LNX1: variants seen among roughly 807,000 people sequenced by gnomAD.
LNX1 encodes the protein E3 ubiquitin-protein ligase LNX.
Under a neutral mutation model 68.4 loss-of-function variants are expected in LNX1, and 54 were observed. That is an observed-to-expected ratio of 0.79 (90% confidence interval 0.63 to 0.99). The LOEUF is 0.99. Among genes scored for constraint, LNX1 ranks in the 50% least tolerant of loss-of-function variants. LNX1 has a pLI of 0.00. For synonymous variants in LNX1, 336 were observed against 350.0 expected (o/e 0.96, Z 0.45); for missense variants, 906 against 926.4 (o/e 0.98, Z 0.29).
chr4:53,496,497 C>T, intron 5 of LNX1, 103 bp from the exon 6 acceptor site: 2 of 1,366,060 alleles, frequency 1.5e-6, no homozygotes, highest in East Asian at 2.5e-5. Flanking sequence ...TTAAAGACTG[C>T]TCTGCTCTCC....
intron 2 of LNX1, among the ~76,000 whole-genome samples, chr4:53,562,868 AT>A (rs1485062371): frequency 2.0e-5 from 3 of 152,232 alleles, no homozygotes; most frequent in South Asian, 4.1e-4. Context: ...ATTTTAAAAC[AT>A]CATATTGTAC....
rs149651531 is a variant in LNX1 at position 53,650,531 on chromosome 4, T to C, written c.-215+1637A>G. The stretch of plus-strand genomic sequence containing the variant: ...AGGGAGAAAACTCTGTGGTGTTGGA[T>C]TGGAATTGGAAGTATGAATTTATGG... On this transcript the variant is annotated intron_variant, in intron 1 of 2. Coordinates refer to the LNX1 transcript ENST00000507168. Among the ~76,000 whole-genome samples the C allele has an allele frequency of 3.9e-5, 6 of 152,264 alleles. No homozygotes were observed. The East Asian group carries it at 1.2e-3, about 29-fold the overall frequency.
chr4:53,498,574 A>G, intron 5 of LNX1, 67 bp downstream of exon 5: 1 of 1,144,534 alleles, frequency 8.7e-7, no homozygotes, highest in Non-Finnish European at 1.3e-6. Flanking sequence ...CATCTATCCA[A>G]TTGTTTGCTC....
At chr4:53,633,262 C>A (rs1436660742) in intron 1 of LNX1, among the ~76,000 whole-genome samples, 3 of 152,164 alleles carry the variant, frequency 2.0e-5, no homozygotes, top group Non-Finnish European at 4.4e-5. Context: ...TGGCAGCTTC[C>A]CTTGCCTGCT....
intron 2 of LNX1, among the ~76,000 whole-genome samples, chr4:53,516,157 G>C (rs6853336): frequency 6.6e-6 from 1 of 152,028 alleles, no homozygotes; most frequent in East Asian, 1.9e-4. Flanking sequence ...CAGGAGGACT[G>C]CTTGAGCCCA....
At chr4:53,491,369 C>T (rs1429366073) in intron 6 of LNX1, among the ~76,000 whole-genome samples, 1 of 152,062 alleles carries the variant, frequency 6.6e-6, no homozygotes, top group Admixed American at 6.6e-5. Flanking sequence ...ATAAACATAG[C>T]ATATTTTCTC....
intron 2 of LNX1, among the ~76,000 whole-genome samples, chr4:53,609,740 T>G (rs1560692858): frequency 7.1e-6 from 1 of 141,394 alleles, no homozygotes. Context: ...TAATATACTA[T>G]TATATATTAT....
chr4:53,548,627 A>G (rs1310921803), intron 2 of LNX1, among the ~76,000 whole-genome samples: 1 of 152,236 alleles, frequency 6.6e-6, no homozygotes, highest in Admixed American at 6.5e-5. Flanking sequence ...AATTCCTCAA[A>G]GAGCTAAAAG....
In LNX1 at chr4:53,496,396, TG is replaced by T; in HGVS notation, c.979-3del. 3 of 1,592,000 alleles carry T rather than the reference TG, an allele frequency of 1.9e-6. No individual in the cohort carries two copies. Among genetic ancestry groups the T allele is most frequent in the Non-Finnish European group, 8.6e-7 (1 of 1,168,234 alleles). On this transcript the variant is annotated splice_polypyrimidine_tract_variant and splice_region_variant and intron_variant, in intron 5 of 10. Transcript: ENST00000263925. ...ATTGCTGATGTCCATCCCGTTGACCTGGGGGCAGGTGGAACAATCGTGCGGT... is the reference window on the plus strand; with the variant it reads ...ATTGCTGATGTCCATCCCGTTGACCTGGGGCAGGTGGAACAATCGTGCGGT...
At chr4:53,527,458 CG>C (rs1343957357) in intron 2 of LNX1, among the ~76,000 whole-genome samples, 9 of 152,158 alleles carry the variant, frequency 5.9e-5, no homozygotes, top group African/African-American at 2.2e-4. Context: ...TTAGTCTCTA[CG>C]AGCCTGGTGC....
chr4:53,611,220 G>GA (rs889257581), intron 2 of LNX1, among the ~76,000 whole-genome samples: 18 of 149,488 alleles, frequency 1.2e-4, no homozygotes, highest in African/African-American at 2.2e-4. Flanking sequence ...GAAAAGGAAT[G>GA]AAAAAAAAAG....
At chr4:53,556,729 T>A (rs1376697019) in intron 2 of LNX1, among the ~76,000 whole-genome samples, 1 of 152,184 alleles carries the variant, frequency 6.6e-6, no homozygotes, top group Non-Finnish European at 1.5e-5. Flanking sequence ...GCAGAACAAA[T>A]GATCACTTCC....
At chr4:53,577,763 A>G (rs1020317763) in intron 1 of LNX1, among the ~76,000 whole-genome samples, 1 of 152,100 alleles carries the variant, frequency 6.6e-6, no homozygotes, top group Non-Finnish European at 1.5e-5. Flanking sequence ...TTCTGGTCAA[A>G]GAATCCTAGC....
intron 2 of LNX1, among the ~76,000 whole-genome samples, chr4:53,599,699 T>C (rs1732909428): frequency 6.6e-6 from 1 of 152,200 alleles, no homozygotes; most frequent in African/African-American, 2.4e-5. Context: ...CCCCACAGCC[T>C]TATCTTGGCT....
In LNX1 at chr4:53,512,984, C is replaced by A. The variant is rs555027606; in HGVS notation, c.381-4757G>T. ...CCCCAACTCCATCTCCACGGCCAAA[C>A]CCTGGAGCTGGTCCTCCTGACACCA... On this transcript the variant is annotated intron_variant, in intron 2 of 10. Coordinates refer to ENST00000263925, the MANE Select transcript of LNX1 (RefSeq NM_001126328.3). Among the ~76,000 whole-genome samples the A allele has an allele frequency of 2.6e-5, 4 of 152,250 alleles. No individual in the cohort carries two copies. The East Asian group carries it at 7.7e-4, about 29-fold the overall frequency.
chr4:53,530,825 G>T (rs1727965955), intron 2 of LNX1, among the ~76,000 whole-genome samples: 1 of 152,080 alleles, frequency 6.6e-6, no homozygotes, highest in African/African-American at 2.4e-5. Flanking sequence ...TCTAGAATTT[G>T]CTTTAAAATG....
intron 1 of LNX1, among the ~76,000 whole-genome samples, chr4:53,616,969 C>T (rs567708336): frequency 2.0e-5 from 3 of 152,222 alleles, no homozygotes; most frequent in South Asian, 2.1e-4. Context: ...AAGCTACAAT[C>T]GTCAAAGCTT....
chr4:53,568,708 A>G (rs947176532), intron 2 of LNX1, among the ~76,000 whole-genome samples: 244 of 149,704 alleles, frequency 1.6e-3, no homozygotes, highest in African/African-American at 5.2e-3. Flanking sequence ...ATTAGGAAAA[A>G]AGGAAGTCAA....
chr4:53,529,827 G>A (rs1380163841), intron 2 of LNX1, among the ~76,000 whole-genome samples: 1 of 152,154 alleles, frequency 6.6e-6, no homozygotes, highest in African/African-American at 2.4e-5. Flanking sequence ...ATGACAATCA[G>A]AGCCACAGGA....
Sources: gnomAD v4.1 joint callset for allele counts (sites outside exome capture counted in the v4.1 genomes callset) on GRCh38, gnomAD v4.1.1 for gene constraint, MANE v1.5 for transcripts, NCBI Gene and HGNC (gene_info 2026-07-23, HGNC 2026-07-21) for gene names.